Variants in NPTN observed in about 807,000 individuals in gnomAD.
The protein encoded by NPTN is SDR-1.
In NPTN, 5 loss-of-function variants were observed where a neutral mutation model predicts 42.7. That is an observed-to-expected ratio of 0.12 (90% confidence interval 0.06 to 0.25). The LOEUF is 0.25. Ranked by LOEUF, NPTN falls within the 10% of genes least tolerant of loss-of-function variation. NPTN has a pLI of 1.00. For missense variants in NPTN, 307 were observed against 525.4 expected, an observed-to-expected ratio of 0.58 and a Z score of 4.06; for synonymous variants, 180 against 201.9, an observed-to-expected ratio of 0.89 and a Z score of 0.92.
chr15:73,614,495 GAATT>G (rs749729586), intron 1 of NPTN, among the ~76,000 whole-genome samples: 1 of 152,102 alleles, frequency 6.6e-6, no homozygotes, highest in Non-Finnish European at 1.5e-5. Context: ...TGTAATTGAT[GAATT>G]AATTCAAATG....
At chr15:73,562,646 C>G (rs897214338) in intron 7 of NPTN, among the ~76,000 whole-genome samples, 5 of 152,154 alleles carry the variant, frequency 3.3e-5, no homozygotes, top group Non-Finnish European at 7.3e-5. Flanking sequence ...ACCTGCAGTA[C>G]CCTCTCTCTT....
intron 4 of NPTN, among the ~76,000 whole-genome samples, chr15:73,581,524 G>A (rs1040228064): frequency 2.6e-5 from 4 of 152,166 alleles, no homozygotes. Flanking sequence ...TATCCCTCCA[G>A]TATCCTAATA....
At chr15:73,617,625 A>G (rs1414674580) in intron 1 of NPTN, among the ~76,000 whole-genome samples, 3 of 152,216 alleles carry the variant, frequency 2.0e-5, no homozygotes, top group Admixed American at 6.5e-5. Flanking sequence ...TGAGAGTTCA[A>G]GACTTGACAC....
At chr15:73,615,659 T>G (rs779457801) in intron 1 of NPTN, among the ~76,000 whole-genome samples, 13 of 152,138 alleles carry the variant, frequency 8.5e-5, no homozygotes, top group Non-Finnish European at 1.5e-4. Flanking sequence ...TCACTACACT[T>G]TCATCCCCGA....
intron 1 of NPTN, among the ~76,000 whole-genome samples, chr15:73,631,978 G>C (rs138312269): frequency 3.2e-4 from 48 of 152,138 alleles, no homozygotes; most frequent in African/African-American, 1.1e-3. Flanking sequence ...CACCTCCCAG[G>C]GGCCACTTTC....
chr15:73,565,584 AAAG>A (rs1324422070), intron 6 of NPTN, among the ~76,000 whole-genome samples: 1 of 152,160 alleles, frequency 6.6e-6, no homozygotes, highest in Non-Finnish European at 1.5e-5. Context: ...GGGGGAAAAA[AAAG>A]AAGTCATAGT....
intron 1 of NPTN, among the ~76,000 whole-genome samples, chr15:73,616,601 A>G (rs1388414878): frequency 6.6e-6 from 1 of 152,134 alleles, no homozygotes; most frequent in Non-Finnish European, 1.5e-5. Context: ...CCAATTGTCC[A>G]AATCTATTCT....
At chr15:73,619,497 C>T (rs967294529) in intron 1 of NPTN, among the ~76,000 whole-genome samples, 1 of 152,122 alleles carries the variant, frequency 6.6e-6, no homozygotes, top group African/African-American at 2.4e-5. Context: ...TGGTGCAATA[C>T]ATTACTGTAG....
Position 73,560,030 on chromosome 15 carries a change from T to C in NPTN, c.*1033A>G. On this transcript the variant is annotated 3_prime_UTR_variant, in exon 9 of 9. Transcript: ENST00000345330. ...TTATCCAAACACCTTTTATCAATGT[T>C]TTATTTTTAAAAACAGGTGAATCCA... is the stretch of plus-strand genomic sequence containing the variant. The C allele has an allele frequency of 9.6e-7, 1 of 1,037,234 alleles. No homozygotes were observed. The highest frequency in any genetic ancestry group is 1.3e-6 in the Non-Finnish European group (1 of 743,900). 64.3% of individuals were successfully genotyped at this position (1,037,234 alleles called of 1,614,324 possible).
chr15:73,587,559 C>T lies in NPTN; in HGVS notation c.671G>A (p.Ser224Asn), dbSNP rs751290030. ...AATGGTGGCGTTTGCTTTAGGAGCG[C>T]TGACAAAGTGATATACGCAGTGGTA... is the stretch of plus-strand genomic sequence containing the variant. ...GEYHCVYHFV[S>N]APKANATIEV... The change falls in exon 4 of 9, where the codon AGC becomes AAC. Residue 224 changes from serine (S) to asparagine (N), a missense_variant. Ser to Asn is a conservative substitution (Grantham distance 46). Coordinates refer to ENST00000345330, the MANE Select transcript of NPTN (RefSeq NM_012428.4). 4 of 1,614,042 alleles carry T rather than the reference C, an allele frequency of 2.5e-6. No individual in the cohort carries two copies. The highest frequency in any genetic ancestry group is 3.4e-6 in the Non-Finnish European group (4 of 1,179,940).
intron 6 of NPTN, chr15:73,568,831 C>T (rs1895197433): frequency 2.0e-6 from 2 of 985,550 alleles, no homozygotes; most frequent in South Asian, 4.7e-5. Context: ...CCTCACCAGC[C>T]ACTCACTCTA....
At chr15:73,616,493 C>G (rs974203205) in intron 1 of NPTN, among the ~76,000 whole-genome samples, 2 of 152,168 alleles carry the variant, frequency 1.3e-5, no homozygotes, top group Admixed American at 6.5e-5. Context: ...GTTGCAGAAC[C>G]CTTAGCTAGA....
intron 1 of NPTN, among the ~76,000 whole-genome samples, chr15:73,618,259 A>T (rs912978807): frequency 6.6e-6 from 1 of 152,152 alleles, no homozygotes; most frequent in Admixed American, 6.5e-5. Flanking sequence ...CCCTTTGGGG[A>T]TTAAAAGAGT....
chr15:73,573,539 G>T, intron 5 of NPTN, 123 bp downstream of exon 5: 1 of 1,125,440 alleles, frequency 8.9e-7, no homozygotes, highest in South Asian at 1.8e-5. Context: ...CGTGACTCTA[G>T]AAAGGGTGAC....
chr15:73,571,060 C>T (rs1336700044), intron 5 of NPTN, among the ~76,000 whole-genome samples: 1 of 152,124 alleles, frequency 6.6e-6, no homozygotes, highest in African/African-American at 2.4e-5. Flanking sequence ...GTGGGAGGAT[C>T]GCTTGAGCCC....
chr15:73,617,602 C>T (rs1897922887), intron 1 of NPTN, among the ~76,000 whole-genome samples: 1 of 152,142 alleles, frequency 6.6e-6, no homozygotes, highest in African/African-American at 2.4e-5. Context: ...CAAGTTTTTC[C>T]AGTGGTATAT....
chr15:73,569,004 A>C lies in NPTN; in HGVS notation c.1114+1146T>G, dbSNP rs1895210540. 1 of 985,378 alleles carries C rather than the reference A, an allele frequency of 1.0e-6. No homozygotes were observed. Among genetic ancestry groups the C allele is most frequent in the South Asian group, 4.7e-5 (1 of 21,284 alleles). The allele number at this position is 985,378 out of a possible 1,614,324, so 61.0% of individuals were successfully genotyped here. ...CACCAGATGTCACTTTGTATTCTCC[A>C]CTGGACAGCCAGCTCTGTGGGGCAG... On this transcript the variant is annotated intron_variant, in intron 6 of 8. Coordinates refer to ENST00000345330, the MANE Select transcript of NPTN (RefSeq NM_012428.4). The surrounding 1 kb of genome is among the most constrained non-coding windows in gnomAD (Gnocchi z 4.1).
chr15:73,608,233 C>CT (rs1217287853), intron 1 of NPTN, among the ~76,000 whole-genome samples: 5 of 152,262 alleles, frequency 3.3e-5, no homozygotes, highest in African/African-American at 1.2e-4. Flanking sequence ...AACTTTGTTC[C>CT]TAAACAGATT....
intron 7 of NPTN, among the ~76,000 whole-genome samples, chr15:73,562,492 C>T (rs1894736758): frequency 6.6e-6 from 1 of 152,188 alleles, no homozygotes; most frequent in Non-Finnish European, 1.5e-5. Context: ...CTGAACACAA[C>T]ACCACTGTCC....
Sources: gnomAD v4.1 joint callset for allele counts (sites outside exome capture counted in the v4.1 genomes callset) on GRCh38, gnomAD v4.1.1 for gene constraint, Gnocchi (gnomAD v3.1) non-coding constraint, MANE v1.5 for transcripts, NCBI Gene and HGNC (gene_info 2026-07-23, HGNC 2026-07-21) for gene names.